Variants in LGSN observed in about 807,000 individuals in gnomAD.
LGSN encodes the protein lengsin, lens protein with glutamine synthetase domain.
In LGSN, 21 loss-of-function variants were observed where a neutral mutation model predicts 19.5. That is an observed-to-expected ratio of 1.07 (90% confidence interval 0.76 to 1.55). LGSN has a LOEUF of 1.55. Among genes scored for constraint, LGSN ranks in the 40% most tolerant of loss-of-function variants. The pLI is 0.00. For missense variants in LGSN, 673 were observed against 608.5 expected (o/e 1.11, Z -1.12); for synonymous variants, 257 against 215.6 (o/e 1.19, Z -1.68).
intron 3 of LGSN, among the ~76,000 whole-genome samples, chr6:63,284,099 T>C (rs907111735): frequency 1.3e-5 from 2 of 152,216 alleles, no homozygotes; most frequent in African/African-American, 2.4e-5. Context: ...TCATTATTTA[T>C]ACCTTCACAA....
the LGSN span, among the ~76,000 whole-genome samples, chr6:63,379,685 TAC>T: frequency 6.6e-6 from 1 of 152,300 alleles, no homozygotes; most frequent in South Asian, 2.1e-4. Flanking sequence ...TTGTTAAAAA[TAC>T]AGAGTCTTAG....
the LGSN span, among the ~76,000 whole-genome samples, chr6:63,468,523 G>A: frequency 5.3e-5 from 8 of 152,054 alleles, no homozygotes; most frequent in African/African-American, 1.9e-4. Flanking sequence ...TGCCTCCTGG[G>A]TACAAGCGAT....
chr6:63,290,376 C>T (rs1767719680), intron 2 of LGSN, among the ~76,000 whole-genome samples: 1 of 152,196 alleles, frequency 6.6e-6, no homozygotes, highest in Non-Finnish European at 1.5e-5. Flanking sequence ...TGGTAAATCC[C>T]TCTCTCTTTT....
chr6:63,412,127 G>A, the LGSN span, among the ~76,000 whole-genome samples: 169 of 152,216 alleles, frequency 1.1e-3, no homozygotes, highest in African/African-American at 3.9e-3. Flanking sequence ...AGCACTTTGG[G>A]AAGCTGAGGT....
chr6:63,358,422 C>T, the LGSN span, among the ~76,000 whole-genome samples: 1 of 152,152 alleles, frequency 6.6e-6, no homozygotes, highest in South Asian at 2.1e-4. Flanking sequence ...TTACCTTGGG[C>T]AGTATGGCCA....
the LGSN span, among the ~76,000 whole-genome samples, chr6:63,517,629 C>T: frequency 5.9e-5 from 9 of 152,092 alleles, no homozygotes; most frequent in Admixed American, 1.3e-4. Flanking sequence ...TATCAACACA[C>T]ACACACATGC....
chr6:63,548,774 C>G, the LGSN span: 1 of 718,542 alleles, frequency 1.4e-6, no homozygotes, highest in Non-Finnish European at 2.5e-6. Flanking sequence ...AAGCCACAGA[C>G]TTGGGACCCA....
intron 1 of LGSN, among the ~76,000 whole-genome samples, chr6:63,298,159 C>CA (rs1249025828): frequency 2.0e-5 from 3 of 152,194 alleles, no homozygotes; most frequent in African/African-American, 7.2e-5. Context: ...GAGCTTCCAG[C>CA]AACCCCCAGG....
chr6:63,506,187 T>C, the LGSN span, among the ~76,000 whole-genome samples: 1 of 152,204 alleles, frequency 6.6e-6, no homozygotes, highest in African/African-American at 2.4e-5. Flanking sequence ...AATAAAAATT[T>C]TGATTACATA....
the LGSN span, among the ~76,000 whole-genome samples, chr6:63,342,701 T>C: frequency 6.6e-6 from 1 of 152,206 alleles, no homozygotes; most frequent in African/African-American, 2.4e-5. Flanking sequence ...GGTTTGGTGA[T>C]CAGCTTTTTA....
chr6:63,455,072 C>T, the LGSN span, among the ~76,000 whole-genome samples: 1 of 152,000 alleles, frequency 6.6e-6, no homozygotes, highest in Admixed American at 6.6e-5. Flanking sequence ...GGATTACAGG[C>T]GTGAGCCACC....
chr6:63,377,784 T>G, the LGSN span, among the ~76,000 whole-genome samples: 2 of 151,098 alleles, frequency 1.3e-5, no homozygotes, highest in Non-Finnish European at 3.0e-5. Flanking sequence ...CGTGGTGGTG[T>G]GCGCCTCTAG....
chr6:63,376,427 G>A, the LGSN span, among the ~76,000 whole-genome samples: 1 of 152,136 alleles, frequency 6.6e-6, no homozygotes, highest in African/African-American at 2.4e-5. Flanking sequence ...TCAGAGCCAA[G>A]CTTACAAAGG....
the LGSN span, among the ~76,000 whole-genome samples, chr6:63,366,487 T>C: frequency 6.6e-6 from 1 of 152,188 alleles, no homozygotes; most frequent in Non-Finnish European, 1.5e-5. Context: ...ATAGGAAGAA[T>C]CTGTATCATG....
chr6:63,468,270 G>A, the LGSN span, among the ~76,000 whole-genome samples: 1 of 151,630 alleles, frequency 6.6e-6, no homozygotes, highest in African/African-American at 2.4e-5. Flanking sequence ...CTGGATTACA[G>A]GCCCCCACCA....
At chr6:63,419,027 A>G in the LGSN span, among the ~76,000 whole-genome samples, 2 of 152,136 alleles carry the variant, frequency 1.3e-5, no homozygotes, top group African/African-American at 4.8e-5. Flanking sequence ...GGCTTTCACT[A>G]TCACCCATAG....
the LGSN span, among the ~76,000 whole-genome samples, chr6:63,341,391 C>T: frequency 2.0e-5 from 3 of 152,192 alleles, no homozygotes; most frequent in East Asian, 3.8e-4. Flanking sequence ...CCTGTCCTTA[C>T]GCTCCCAAAC....
the LGSN span, among the ~76,000 whole-genome samples, chr6:63,341,740 C>T: frequency 2.6e-5 from 4 of 152,202 alleles, no homozygotes; most frequent in South Asian, 8.3e-4. Flanking sequence ...ATTTGCTTTG[C>T]CTTTTTTTTT....
chr6:63,480,984 T>C, the LGSN span, among the ~76,000 whole-genome samples: 1,404 of 36,286 alleles, frequency 0.039, 43 homozygotes, highest in Middle Eastern at 0.058. Flanking sequence ...TATATATATA[T>C]ATACACACAC....
Sources: gnomAD v4.1 joint callset for allele counts (sites outside exome capture counted in the v4.1 genomes callset) on GRCh38, gnomAD v4.1.1 for gene constraint, MANE v1.5 for transcripts, NCBI Gene and HGNC (gene_info 2026-07-23, HGNC 2026-07-21) for gene names.